Variants in PIK3C3 observed in about 807,000 individuals in gnomAD.
PIK3C3 encodes the protein PI3-kinase type 3.
In PIK3C3, 95 loss-of-function variants were observed where a neutral mutation model predicts 126.1. The observed-to-expected ratio is 0.75, with a 90% CI of 0.64 to 0.89. The LOEUF (loss-of-function observed/expected upper bound fraction) is 0.89. Among genes scored for constraint, PIK3C3 ranks in the 40% least tolerant of loss-of-function variants. The pLI is 0.00. For missense variants in PIK3C3, 829 were observed against 1,063.2 expected, an observed-to-expected ratio of 0.78 and a Z score of 3.06; for synonymous variants, 374 against 360.0, an observed-to-expected ratio of 1.04 and a Z score of -0.44.
chr18:41,990,848 T>G (rs551066452), intron 6 of PIK3C3, among the ~76,000 whole-genome samples: 3 of 152,214 alleles, frequency 2.0e-5, no homozygotes, highest in Non-Finnish European at 4.4e-5. Flanking sequence ...AAGTAATGGC[T>G]TCATTTACTA....
chr18:42,063,424 C>G (rs1985404530), intron 22 of PIK3C3, among the ~76,000 whole-genome samples: 1 of 152,126 alleles, frequency 6.6e-6, no homozygotes, highest in South Asian at 2.1e-4. Flanking sequence ...GGAATAACAT[C>G]TGTGGTATGC....
At chr18:42,053,323 C>G (rs1366015864) in intron 21 of PIK3C3, among the ~76,000 whole-genome samples, 1 of 152,098 alleles carries the variant, frequency 6.6e-6, no homozygotes, top group East Asian at 1.9e-4. Context: ...TTGGCCCATG[C>G]TTTGTTTTTG....
At chr18:42,049,736 G>A (rs1984713765) in intron 21 of PIK3C3, 131 bp downstream of exon 21, 2 of 636,868 alleles carry the variant, frequency 3.1e-6, no homozygotes, top group South Asian at 1.8e-5. Context: ...CACTTTGGGA[G>A]GCCAAGGCGG....
chr18:42,079,189 C>T (rs1266682129), intron 24 of PIK3C3, among the ~76,000 whole-genome samples: 1 of 152,188 alleles, frequency 6.6e-6, no homozygotes, highest in Non-Finnish European at 1.5e-5. Flanking sequence ...AGATATGCGA[C>T]TCTTCCCTTT....
chr18:42,038,188 C>T (rs1272903510), intron 17 of PIK3C3, among the ~76,000 whole-genome samples: 4 of 151,894 alleles, frequency 2.6e-5, no homozygotes, highest in Admixed American at 2.0e-4. Flanking sequence ...TTTCTGAGCT[C>T]TAAAGTACTT....
intron 14 of PIK3C3, among the ~76,000 whole-genome samples, chr18:42,028,929 T>G (rs1291064500): frequency 6.6e-6 from 1 of 152,244 alleles, no homozygotes; most frequent in African/African-American, 2.4e-5. Flanking sequence ...TCCTTGAAGA[T>G]CTATATCTTT....
intron 11 of PIK3C3, among the ~76,000 whole-genome samples, chr18:42,013,956 ACTGT>A (rs965102651): frequency 2.0e-4 from 31 of 152,274 alleles, no homozygotes; most frequent in African/African-American, 6.3e-4. Context: ...CTCATAGGAA[ACTGT>A]CTAATACATA....
intron 3 of PIK3C3, among the ~76,000 whole-genome samples, chr18:41,964,815 A>T (rs55655849): frequency 0.083 from 12,621 of 152,150 alleles, 1,700 homozygotes; most frequent in African/African-American, 0.28. Context: ...TATCCAGGAA[A>T]AGAGTGTGTC....
chr18:41,990,428 C>A (rs1329538858), intron 5 of PIK3C3, 31 bp from the exon 6 acceptor site: 1 of 1,234,314 alleles, frequency 8.1e-7, no homozygotes, highest in Non-Finnish European at 1.2e-6. Flanking sequence ...TGAAAATAAT[C>A]ATTTTTCATG....
intron 6 of PIK3C3, among the ~76,000 whole-genome samples, chr18:41,992,224 A>C (rs1981813279): frequency 6.6e-6 from 1 of 152,174 alleles, no homozygotes; most frequent in Non-Finnish European, 1.5e-5. Context: ...AGTGTATTGA[A>C]TCTAATGGAA....
intron 4 of PIK3C3, chr18:41,985,192 A>G (rs1356177725): frequency 6.6e-6 from 1 of 152,212 alleles, no homozygotes; most frequent in African/African-American, 2.4e-5. Context: ...ACTACAAGAA[A>G]AAATTATTTA....
At chr18:41,956,959 T>C in intron 1 of PIK3C3, among the ~76,000 whole-genome samples, 1 of 152,230 alleles carries the variant, frequency 6.6e-6, no homozygotes, top group East Asian at 1.9e-4. Context: ...TCTGTGATAG[T>C]ATCCTGTGCA....
chr18:42,053,127 G>A (rs546180719), intron 21 of PIK3C3: 11 of 152,002 alleles, frequency 7.2e-5, no homozygotes, highest in Non-Finnish European at 1.3e-4. Flanking sequence ...ATATTTTTTG[G>A]GGACTTAAAC....
intron 17 of PIK3C3, among the ~76,000 whole-genome samples, chr18:42,038,094 T>G (rs1027931074): frequency 1.3e-5 from 2 of 152,174 alleles, no homozygotes; most frequent in African/African-American, 4.8e-5. Context: ...TTCCTTCCTC[T>G]TAGTCTATTA....
At chr18:42,022,893 T>A (rs1983390021) in intron 13 of PIK3C3, among the ~76,000 whole-genome samples, 1 of 152,166 alleles carries the variant, frequency 6.6e-6, no homozygotes, top group African/African-American at 2.4e-5. Flanking sequence ...CCTCTAATGT[T>A]CTCTGTGTTC....
intron 23 of PIK3C3, among the ~76,000 whole-genome samples, chr18:42,066,117 A>G (rs1429941112): frequency 2.0e-5 from 3 of 152,208 alleles, no homozygotes; most frequent in African/African-American, 7.2e-5. Flanking sequence ...TATGTTTGTC[A>G]TTATCTGGGA....
intron 9 of PIK3C3, among the ~76,000 whole-genome samples, chr18:42,003,302 A>G (rs913765822): frequency 4.6e-5 from 7 of 152,206 alleles, no homozygotes; most frequent in Non-Finnish European, 1.0e-4. Context: ...TAACATTTTC[A>G]AGTTACCTAT....
chr18:41,999,434 G>T (rs1261658680), intron 9 of PIK3C3, among the ~76,000 whole-genome samples: 2 of 152,134 alleles, frequency 1.3e-5, no homozygotes, highest in Non-Finnish European at 2.9e-5. Flanking sequence ...AGATAATAGT[G>T]ATGCACTGAG....
At chr18:42,067,638 C>T in intron 24 of PIK3C3, 125 bp downstream of exon 24, 1 of 981,076 alleles carries the variant, frequency 1.0e-6, no homozygotes, top group Non-Finnish European at 1.5e-6. Flanking sequence ...GTCGTTTTGA[C>T]ATCTCACCAG....
Sources: allele counts gnomAD v4.1 joint callset (sites outside exome capture counted in the v4.1 genomes callset), GRCh38; gene constraint gnomAD v4.1.1; transcripts MANE v1.5; gene names NCBI Gene and HGNC (gene_info 2026-07-23, HGNC 2026-07-21).